The following JPH1 variants were observed in gnomAD, a reference collection of about 807,000 sequenced individuals.
JPH1 encodes junctophilin-1.
A neutral mutation model predicts 53.6 loss-of-function variants in JPH1; 12 were observed. That is an observed-to-expected ratio of 0.22 (90% confidence interval 0.14 to 0.36). JPH1 has a LOEUF of 0.36. JPH1 is among the 10% of genes least tolerant of loss of function. The pLI is 1.00. For synonymous variants in JPH1, 375 were observed against 363.8 expected, an observed-to-expected ratio of 1.03 and a Z score of -0.35; for missense variants, 808 against 905.5, an observed-to-expected ratio of 0.89 and a Z score of 1.38.
chr8:74,246,529 A>G (rs1002904869), intron 3 of JPH1, among the ~76,000 whole-genome samples: 1 of 152,218 alleles, frequency 6.6e-6, no homozygotes, highest in African/African-American at 2.4e-5. Context: ...CAAAATTTAA[A>G]GCCTCACCAA....
chr8:74,261,626 C>A (rs1418903325), intron 2 of JPH1, among the ~76,000 whole-genome samples: 1 of 152,102 alleles, frequency 6.6e-6, no homozygotes, highest in East Asian at 1.9e-4. Context: ...TGCCTTAGTC[C>A]TGTGTGTTGT....
chr8:74,246,560 A>G (rs11994036), intron 3 of JPH1, among the ~76,000 whole-genome samples: 2,815 of 151,566 alleles, frequency 0.019, 83 homozygotes, highest in African/African-American at 0.061. Context: ...AGTAGGTGTT[A>G]TTATCCCCAT....
chr8:74,264,947 G>C (rs1806490144), intron 2 of JPH1, among the ~76,000 whole-genome samples: 1 of 152,150 alleles, frequency 6.6e-6, no homozygotes, highest in South Asian at 2.1e-4. Context: ...TGAACTACGG[G>C]ATCGATTGTT....
At chr8:74,276,351 C>T (rs185562250) in intron 2 of JPH1, among the ~76,000 whole-genome samples, 2 of 152,288 alleles carry the variant, frequency 1.3e-5, no homozygotes, top group East Asian at 3.9e-4. Context: ...GGGAGATGAC[C>T]TGTGAACTCT....
intron 2 of JPH1, among the ~76,000 whole-genome samples, chr8:74,270,879 T>G (rs183085455): frequency 7.0e-4 from 107 of 152,272 alleles, no homozygotes; most frequent in African/African-American, 2.4e-3. Context: ...ACCTTTATTA[T>G]CTCTGTGGTG....
chr8:74,309,284 T>C (rs1807922788), intron 2 of JPH1, among the ~76,000 whole-genome samples: 1 of 149,626 alleles, frequency 6.7e-6, no homozygotes, highest in Admixed American at 6.6e-5. Flanking sequence ...GTCTACAAAA[T>C]GGAAGTTACC....
At chr8:74,318,383 T>C (rs1216198309) in intron 1 of JPH1, among the ~76,000 whole-genome samples, 1 of 152,176 alleles carries the variant, frequency 6.6e-6, no homozygotes, top group Non-Finnish European at 1.5e-5. Context: ...GTTTATATGC[T>C]CCGAATGGGT....
intron 3 of JPH1, among the ~76,000 whole-genome samples, chr8:74,248,133 C>T (rs16938835): frequency 0.014 from 2,134 of 152,224 alleles, 66 homozygotes; most frequent in African/African-American, 0.049. Flanking sequence ...GTCCTAAATG[C>T]AGTAAGAAAG....
intron 2 of JPH1, among the ~76,000 whole-genome samples, chr8:74,310,476 C>T (rs1807961256): frequency 6.6e-6 from 1 of 152,126 alleles, no homozygotes; most frequent in Admixed American, 6.5e-5. Context: ...GGTCTTGACG[C>T]TAAGTGTTAA....
intron 4 of JPH1, among the ~76,000 whole-genome samples, chr8:74,239,177 A>C (rs1433421669): frequency 6.6e-6 from 1 of 152,116 alleles, no homozygotes; most frequent in East Asian, 1.9e-4. Context: ...TGGGTTAAAC[A>C]TCTCTGAGAT....
chr8:74,270,698 G>A (rs10504569), intron 2 of JPH1, among the ~76,000 whole-genome samples: 10,656 of 152,202 alleles, frequency 0.07, 952 homozygotes, highest in African/African-American at 0.2. Flanking sequence ...CAAGAATCAT[G>A]TTAAACCTTG....
intron 2 of JPH1, among the ~76,000 whole-genome samples, chr8:74,286,246 A>AT (rs1276657628): frequency 2.0e-5 from 3 of 152,078 alleles, no homozygotes; most frequent in Non-Finnish European, 4.4e-5. Flanking sequence ...CACTGTTAAC[A>AT]TTTTTTTCTG....
chr8:74,259,587 G>A (rs927839447), intron 2 of JPH1, 84 bp from the exon 3 acceptor site: 4 of 1,020,192 alleles, frequency 3.9e-6, no homozygotes, highest in Middle Eastern at 4.3e-4. Context: ...TCTGGGAAAA[G>A]AAATGTTAAT....
At chr8:74,272,364 C>T (rs1224474189) in intron 2 of JPH1, among the ~76,000 whole-genome samples, 1 of 152,152 alleles carries the variant, frequency 6.6e-6, no homozygotes, top group Admixed American at 6.5e-5. Flanking sequence ...ACATTGCATA[C>T]ATCATTCTGC....
intron 2 of JPH1, among the ~76,000 whole-genome samples, chr8:74,312,795 T>C (rs1224868720): frequency 6.6e-6 from 1 of 152,196 alleles, no homozygotes; most frequent in African/African-American, 2.4e-5. Context: ...GCAGTATTTG[T>C]TTTTCTGTGA....
chr8:74,243,319 C>T (rs1409901674), intron 4 of JPH1, among the ~76,000 whole-genome samples: 2 of 152,184 alleles, frequency 1.3e-5, no homozygotes, highest in East Asian at 3.8e-4. Context: ...TAAAGTTAGT[C>T]TGTTTTGAAA....
intron 2 of JPH1, among the ~76,000 whole-genome samples, chr8:74,263,662 T>C (rs1377232321): frequency 2.0e-5 from 3 of 152,224 alleles, no homozygotes; most frequent in East Asian, 3.8e-4. Context: ...TCTGGTTCAC[T>C]GTCACCTCAC....
chr8:74,241,203 A>G lies in JPH1; in HGVS notation c.1905+3326T>C, dbSNP rs181587796. Reference sequence around the variant, plus strand: ...CAGTGAAGATGAGGGAAAACTAGACATGAAAGCTTCAAACAGCAACCAGGG... The same window carrying G: ...CAGTGAAGATGAGGGAAAACTAGACGTGAAAGCTTCAAACAGCAACCAGGG... On this transcript the variant is annotated intron_variant, in intron 4 of 5. Transcript: ENST00000342232. Among the ~76,000 whole-genome samples the G allele has an allele frequency of 6.2e-4, 94 of 152,350 alleles. No individual in the cohort carries two copies. The South Asian group carries it at 0.012, about 19-fold the overall frequency.
chr8:74,262,732 G>GT (rs1252146385), intron 2 of JPH1, among the ~76,000 whole-genome samples: 4 of 152,202 alleles, frequency 2.6e-5, no homozygotes, highest in African/African-American at 9.7e-5. Flanking sequence ...CTTGTGAAGA[G>GT]TTGCACCTTA....
Sources: allele counts gnomAD v4.1 joint callset (sites outside exome capture counted in the v4.1 genomes callset), GRCh38; gene constraint gnomAD v4.1.1; transcripts MANE v1.5; gene names NCBI Gene and HGNC (gene_info 2026-07-23, HGNC 2026-07-21).